The following PTK7 variants were observed in gnomAD, a reference collection of about 807,000 sequenced individuals.
PTK7 encodes the protein inactive tyrosine-protein kinase 7.
A neutral mutation model predicts 116.6 loss-of-function variants in PTK7; 39 were observed. The ratio of observed to expected loss-of-function variants is 0.33; its 90% CI spans 0.26 to 0.44. PTK7 has a LOEUF of 0.44. Among genes scored for constraint, PTK7 ranks in the 20% least tolerant of loss-of-function variants. PTK7 has a pLI of 1.00. For synonymous variants in PTK7, 546 were observed against 563.6 expected (o/e 0.97, Z 0.44); for missense variants, 1,169 against 1,425.6 (o/e 0.82, Z 2.90).
At chr6:43,158,755 TG>T in intron 17 of PTK7, 61 bp from the exon 18 acceptor site, 1 of 1,547,274 alleles carries the variant, frequency 6.5e-7, no homozygotes, top group Non-Finnish European at 8.8e-7. Context: ...AGGGTTGTGT[TG>T]AGGGTGGTCA....
At chr6:43,147,474 G>A (rs1458194997) in intron 17 of PTK7, among the ~76,000 whole-genome samples, 2 of 152,140 alleles carry the variant, frequency 1.3e-5, no homozygotes, top group Non-Finnish European at 2.9e-5. Flanking sequence ...TTCCTTCCAT[G>A]TGACTGGAGA....
At chr6:43,116,086 T>G (rs1768500020) in intron 1 of PTK7, among the ~76,000 whole-genome samples, 1 of 151,868 alleles carries the variant, frequency 6.6e-6, no homozygotes, top group African/African-American at 2.4e-5. Context: ...AGCCTTCTCT[T>G]TGTTTGTATC....
Position 43,130,436 on chromosome 6 carries a change from G to A in PTK7, c.661+16G>A, listed in dbSNP as rs767685886. 3 of 1,603,734 alleles carry A rather than the reference G, an allele frequency of 1.9e-6. No individual in the cohort carries two copies. The highest frequency in any genetic ancestry group is 2.6e-6 in the Non-Finnish European group (3 of 1,172,032). On this transcript the variant is annotated intron_variant, in intron 4 of 19. Coordinates refer to ENST00000230419, the MANE Select transcript of PTK7 (RefSeq NM_002821.5). Reference sequence around the variant, plus strand: ...AGCATTGCTGGTGAGCCTGGGGTGGGGGCGGAAGGGATGAGGTGAGCACAG... The same window carrying A: ...AGCATTGCTGGTGAGCCTGGGGTGGAGGCGGAAGGGATGAGGTGAGCACAG...
intron 7 of PTK7, among the ~76,000 whole-genome samples, chr6:43,134,874 C>T (rs558045370): frequency 6.6e-6 from 1 of 151,962 alleles, no homozygotes; most frequent in African/African-American, 2.4e-5. Flanking sequence ...CATTTGAGCT[C>T]GGGAGCTGGA....
intron 1 of PTK7, among the ~76,000 whole-genome samples, chr6:43,086,441 T>TG (rs1169883107): frequency 2.0e-5 from 3 of 151,082 alleles, no homozygotes; most frequent in Non-Finnish European, 3.0e-5. Context: ...GTCTCCTCCT[T>TG]GGGGTGGTGG....
rs373481627 is a variant in PTK7, at chr6:43,144,716, G to A, written c.2407+110G>A. 2.2e-6 allele frequency: 3 copies of A among 1,348,394 alleles called. No homozygotes were observed. In the African/African-American group the frequency reaches 4.4e-5, roughly 20 times the overall value. The allele number at this position is 1,348,394 out of a possible 1,614,324, so 83.5% of individuals were successfully genotyped here. A position where few individuals can be genotyped will look rare whatever the true frequency, so the allele number is the denominator to read the frequency against. ...AGTCCCTGAAACCTAGAATGTTAGA[G>A]GTGGAGGGAAGCATAGGTAGAGATC... On this transcript the variant is annotated intron_variant, in intron 15 of 19. Transcript: ENST00000230419.
chr6:43,148,826 CGAG>C (rs1770876860), intron 17 of PTK7, among the ~76,000 whole-genome samples: 2 of 149,876 alleles, frequency 1.3e-5, no homozygotes, highest in South Asian at 4.2e-4. Context: ...TTTGGGAGGC[CGAG>C]GCGGGCAGAT....
At chr6:43,151,129 CT>C (rs1771052241) in intron 17 of PTK7, among the ~76,000 whole-genome samples, 1 of 151,644 alleles carries the variant, frequency 6.6e-6, no homozygotes, top group Non-Finnish European at 1.5e-5. Flanking sequence ...CCAGACTCTG[CT>C]TTTTCATGGA....
At chr6:43,110,130 G>A (rs1768113828) in intron 1 of PTK7, among the ~76,000 whole-genome samples, 3 of 151,514 alleles carry the variant, frequency 2.0e-5, no homozygotes, top group Admixed American at 1.3e-4. Context: ...CTGAGTAGCT[G>A]GGATTACAGG....
At chr6:43,122,806 C>CA (rs1769043034) in intron 1 of PTK7, among the ~76,000 whole-genome samples, 2 of 152,226 alleles carry the variant, frequency 1.3e-5, no homozygotes, top group Non-Finnish European at 2.9e-5. Context: ...GGGGTTTCAT[C>CA]ATGTTGGCCA....
chr6:43,129,431 GTT>G lies in PTK7; in HGVS notation c.367+168_367+169del. The G allele has an allele frequency of 9.6e-7, 1 of 1,044,982 alleles. No individual in the cohort carries two copies. Among genetic ancestry groups the G allele is most frequent in the Non-Finnish European group, 1.4e-6 (1 of 735,142 alleles). The allele number at this position is 1,044,982 out of a possible 1,614,324, so 64.7% of individuals were successfully genotyped here. ...TCATGTGGATAAGAGGAAATTAAAAGTTATATTTTTTCCAAAATTTTTTCCTT... is the reference window on the plus strand; with the variant it reads ...TCATGTGGATAAGAGGAAATTAAAAGATATTTTTTCCAAAATTTTTTCCTT... On this transcript the variant is annotated intron_variant, in intron 2 of 19. Coordinates refer to ENST00000230419, the MANE Select transcript of PTK7 (RefSeq NM_002821.5). This position sits in a 1 kb window ranked among gnomAD's most constrained non-coding sequence, Gnocchi z 4.5.
At chr6:43,091,826 C>G (rs1766970164) in intron 1 of PTK7, among the ~76,000 whole-genome samples, 1 of 152,146 alleles carries the variant, frequency 6.6e-6, no homozygotes, top group African/African-American at 2.4e-5. Flanking sequence ...TATCGAATGT[C>G]AGGGTATCAG....
intron 17 of PTK7, among the ~76,000 whole-genome samples, chr6:43,148,242 G>A (rs1023508847): frequency 6.7e-6 from 1 of 149,680 alleles, no homozygotes; most frequent in African/African-American, 2.5e-5. Context: ...AACAGAGCAC[G>A]ATCCTGTCTC....
intron 7 of PTK7, 163 bp downstream of exon 7, chr6:43,132,850 GC>G: frequency 1.0e-6 from 1 of 989,056 alleles, no homozygotes; most frequent in Non-Finnish European, 1.5e-6. Flanking sequence ...ACAGTAGAGA[GC>G]CAGGCACAGG....
intron 17 of PTK7, among the ~76,000 whole-genome samples, chr6:43,154,020 G>A (rs895276205): frequency 7.9e-5 from 12 of 152,154 alleles, no homozygotes; most frequent in Admixed American, 2.0e-4. Flanking sequence ...AAAATTAGCC[G>A]TGCATGGTGG....
At chr6:43,154,735 G>A (rs1033476129) in intron 17 of PTK7, among the ~76,000 whole-genome samples, 15 of 152,234 alleles carry the variant, frequency 9.9e-5, no homozygotes, top group Non-Finnish European at 1.9e-4. Flanking sequence ...GCTCGGGCTT[G>A]GCACCTCTGC....
At chr6:43,101,851 G>A (rs917186485) in intron 1 of PTK7, among the ~76,000 whole-genome samples, 6 of 152,190 alleles carry the variant, frequency 3.9e-5, no homozygotes, top group Non-Finnish European at 8.8e-5. Context: ...AGTAAAGGAT[G>A]TATTCCCAAA....
In PTK7 at chr6:43,076,912, G is replaced by A; in HGVS notation, c.79+345G>A. On this transcript the variant is annotated intron_variant, in intron 1 of 19. Coordinates refer to ENST00000230419, the MANE Select transcript of PTK7 (RefSeq NM_002821.5). This position sits in a 1 kb window ranked among gnomAD's most constrained non-coding sequence, Gnocchi z 5.7. Reference sequence around the variant, plus strand: ...GGGAGTTTCTTGTCGGGGGAGAAAAGACCATCCGCACCCACCGTGGGGAGC... The same window carrying A: ...GGGAGTTTCTTGTCGGGGGAGAAAAAACCATCCGCACCCACCGTGGGGAGC... 6.6e-7 allele frequency: 1 copy of A among 1,514,436 alleles called. No individual in the cohort carries two copies. Among genetic ancestry groups the A allele is most frequent in the Non-Finnish European group, 8.8e-7 (1 of 1,131,876 alleles). 93.8% of individuals were successfully genotyped at this position (1,514,436 alleles called of 1,614,324 possible). A position where few individuals can be genotyped will look rare whatever the true frequency, so the allele number is the denominator to read the frequency against.
At chr6:43,092,876 CTG>C (rs1767030728) in intron 1 of PTK7, among the ~76,000 whole-genome samples, 2 of 152,262 alleles carry the variant, frequency 1.3e-5, no homozygotes, top group Admixed American at 6.5e-5. Context: ...ATGGCTATGA[CTG>C]TGATGCTTAT....
Sources: allele counts gnomAD v4.1 joint callset (sites outside exome capture counted in the v4.1 genomes callset), GRCh38; gene constraint gnomAD v4.1.1; non-coding constraint Gnocchi (gnomAD v3.1); transcripts MANE v1.5; gene names NCBI Gene and HGNC (gene_info 2026-07-23, HGNC 2026-07-21).